The following UBAC2 variants were observed in gnomAD, a reference collection of about 807,000 sequenced individuals.
UBAC2 encodes the protein UBA domain containing 2, also known as ubiquitin-associated domain-containing protein 2.
A neutral mutation model predicts 44.0 loss-of-function variants in UBAC2; 26 were observed. That is an observed-to-expected ratio of 0.59 (90% CI 0.43 to 0.82). The LOEUF is 0.82. Among genes scored for constraint, UBAC2 ranks in the 40% least tolerant of loss-of-function variants. UBAC2 has a pLI of 0.00. For missense variants in UBAC2, 329 were observed against 419.4 expected (o/e 0.78, Z 1.88); for synonymous variants, 155 against 154.3 (o/e 1.00, Z -0.04).
At chr13:99,381,815 A>G (rs1169086661) in intron 8 of UBAC2, among the ~76,000 whole-genome samples, 1 of 152,228 alleles carries the variant, frequency 6.6e-6, no homozygotes, top group Admixed American at 6.5e-5. Flanking sequence ...CCTAAGGAAA[A>G]GGAAAGTGTG....
At chr13:99,207,261 T>C (rs1566446129) in intron 1 of UBAC2, among the ~76,000 whole-genome samples, 1 of 152,220 alleles carries the variant, frequency 6.6e-6, no homozygotes, top group Admixed American at 6.5e-5. Flanking sequence ...TCAGATGCTT[T>C]CTTGATGGGA....
chr13:99,339,730 T>C (rs549448114), intron 6 of UBAC2, among the ~76,000 whole-genome samples: 2 of 152,218 alleles, frequency 1.3e-5, no homozygotes, highest in East Asian at 3.9e-4. Context: ...ACATTATAAA[T>C]GACCTTCAAG....
chr13:99,321,428 C>T (rs948591068), intron 6 of UBAC2, among the ~76,000 whole-genome samples: 1 of 152,170 alleles, frequency 6.6e-6, no homozygotes, highest in African/African-American at 2.4e-5. Context: ...CGTGCCTCAG[C>T]CTCCCAAGTA....
intron 8 of UBAC2, among the ~76,000 whole-genome samples, chr13:99,370,566 C>G (rs529601295): frequency 6.6e-6 from 1 of 152,332 alleles, no homozygotes; most frequent in Admixed American, 6.5e-5. Flanking sequence ...CATCGCCTCC[C>G]CATTCCCTGT....
chr13:99,301,997 A>G (rs1298427587), intron 4 of UBAC2, among the ~76,000 whole-genome samples: 2 of 152,198 alleles, frequency 1.3e-5, no homozygotes, highest in Non-Finnish European at 2.9e-5. Context: ...AATGACTGGA[A>G]TGGGTCAAGT....
intron 4 of UBAC2, among the ~76,000 whole-genome samples, chr13:99,310,750 AT>A (rs1034643525): frequency 1.3e-5 from 2 of 152,038 alleles, no homozygotes; most frequent in African/African-American, 4.8e-5. Context: ...TTCTACCAGT[AT>A]TTTTTTTAGT....
intron 2 of UBAC2, among the ~76,000 whole-genome samples, chr13:99,239,783 T>G (rs894083579): frequency 5.3e-5 from 8 of 152,148 alleles, no homozygotes; most frequent in East Asian, 1.9e-4. Context: ...TCATGAGAGA[T>G]ATGGGAGTTG....
At chr13:99,303,734 A>G (rs893736012) in intron 4 of UBAC2, among the ~76,000 whole-genome samples, 4 of 152,174 alleles carry the variant, frequency 2.6e-5, no homozygotes, top group African/African-American at 9.7e-5. Context: ...TTTCAAGTTC[A>G]AGGAGTTTCA....
At chr13:99,318,493 G>T in intron 6 of UBAC2, among the ~76,000 whole-genome samples, 1 of 151,170 alleles carries the variant, frequency 6.6e-6, no homozygotes, top group African/African-American at 2.4e-5. Context: ...CCCATGGCAG[G>T]TCTGGCTCAA....
In UBAC2 at chr13:99,242,310, G is replaced by A. The variant is rs1218654102; in HGVS notation, c.160-1522G>A. ...AGGTGCCCCTCACCTCCCGGACGGGGCGGCTGGCCGGGCGGGGGGCTGACC... is the reference window on the plus strand; with the variant it reads ...AGGTGCCCCTCACCTCCCGGACGGGACGGCTGGCCGGGCGGGGGGCTGACC... On this transcript the variant is annotated intron_variant, in intron 2 of 8. Transcript: ENST00000403766. 2.6e-5 allele frequency among the ~76,000 whole-genome samples: 4 copies of A among 151,468 alleles called. No individual in the cohort carries two copies. The South Asian group carries it at 8.3e-4, about 32-fold the overall frequency.
chr13:99,244,842 T>A (rs1282066622), intron 4 of UBAC2, among the ~76,000 whole-genome samples: 4 of 152,000 alleles, frequency 2.6e-5, no homozygotes, highest in Non-Finnish European at 5.9e-5. Context: ...TTTTACTTTT[T>A]TTTTTTTTGA....
At chr13:99,360,312 A>G (rs2045247999) in intron 7 of UBAC2, among the ~76,000 whole-genome samples, 1 of 152,244 alleles carries the variant, frequency 6.6e-6, no homozygotes, top group African/African-American at 2.4e-5. Context: ...CTAAGCTGCA[A>G]TAAGCTTATA....
At chr13:99,266,853 ACTTTCAGTT>A (rs1347894036) in intron 4 of UBAC2, among the ~76,000 whole-genome samples, 1 of 152,148 alleles carries the variant, frequency 6.6e-6, no homozygotes, top group Non-Finnish European at 1.5e-5. Flanking sequence ...TTCAGTCCCT[ACTTTCAGTT>A]CTTTTGGGTT....
At chr13:99,334,933 G>C (rs1174992497) in intron 6 of UBAC2, among the ~76,000 whole-genome samples, 1 of 152,144 alleles carries the variant, frequency 6.6e-6, no homozygotes, top group Non-Finnish European at 1.5e-5. Context: ...AAAGGATGAA[G>C]ATATATTATG....
At chr13:99,305,694 G>A (rs960352023) in intron 4 of UBAC2, among the ~76,000 whole-genome samples, 3 of 152,172 alleles carry the variant, frequency 2.0e-5, no homozygotes, top group African/African-American at 7.2e-5. Flanking sequence ...ATTTATGCAA[G>A]GGATCATTAC....
At position 99,340,461 on chromosome 13, in the gene UBAC2, A is replaced by G. The variant is rs1399241985; in HGVS notation, c.703A>G (p.Met235Val). 2 of 1,614,200 alleles carry G rather than the reference A, an allele frequency of 1.2e-6. No homozygotes were observed. Among genetic ancestry groups the G allele is most frequent in the Non-Finnish European group, 1.7e-6 (2 of 1,180,030 alleles). ...SEPTSEARIG[M>V]GATLDIQRQQ... is the part of the protein sequence containing the mutation. ...ACCCACCAGCGAAGCCAGAATTGGG[A>G]TGGGAGCCACGCTGGACATCCAGAG... Residue 235 changes from methionine to valine, a missense_variant, in exon 7 of 9, where the codon ATG (methionine) becomes GTG (valine). By Grantham distance (21) the Met-to-Val change is conservative. Transcript: ENST00000403766.
intron 7 of UBAC2, 60 bp from the exon 8 acceptor site, chr13:99,367,727 A>G: frequency 6.2e-7 from 1 of 1,609,932 alleles, no homozygotes; most frequent in African/African-American, 1.3e-5. Context: ...AAGCTCTTCC[A>G]AGCATTATGA....
chr13:99,342,693 G>A (rs2044910181), intron 7 of UBAC2, among the ~76,000 whole-genome samples: 1 of 152,146 alleles, frequency 6.6e-6, no homozygotes, highest in East Asian at 1.9e-4. Flanking sequence ...CCCGTGGTGG[G>A]CACGACCTGC....
intron 7 of UBAC2, among the ~76,000 whole-genome samples, chr13:99,357,178 C>T (rs1005467916): frequency 6.6e-6 from 1 of 152,148 alleles, no homozygotes; most frequent in Non-Finnish European, 1.5e-5. Flanking sequence ...GTATTCAGCA[C>T]AGTGACTTGC....
Sources: gnomAD v4.1 joint callset for allele counts (sites outside exome capture counted in the v4.1 genomes callset) on GRCh38, gnomAD v4.1.1 for gene constraint, MANE v1.5 for transcripts, NCBI Gene and HGNC (gene_info 2026-07-23, HGNC 2026-07-21) for gene names.